Variants in NLGN4Y observed in about 807,000 individuals in gnomAD.
NLGN4Y encodes the protein neuroligin 4 Y-linked.
A neutral mutation model predicts 8.4 loss-of-function variants in NLGN4Y; 4 were observed. The ratio of observed to expected loss-of-function variants is 0.48; its 90% confidence interval spans 0.23 to 1.09. The LOEUF (loss-of-function observed/expected upper bound fraction) is 1.09, where lower values mean the gene tolerates loss of function less well. Ranked by LOEUF, NLGN4Y falls within the 50% of genes least tolerant of loss-of-function variation. The probability of loss-of-function intolerance (pLI) is 0.19; values close to 1 mark genes in which losing one functional copy is unlikely to be tolerated. For missense variants in NLGN4Y, 90 were observed against 192.3 expected (o/e 0.47, Z 3.15); for synonymous variants, 35 against 75.6 (o/e 0.46, Z 2.78).
At chrY:14,816,656 T>C (rs2043103152) in intron 4 of NLGN4Y, among the ~76,000 whole-genome samples, 1 of 34,026 alleles carries the variant, frequency 2.9e-5, no homozygotes, top group Non-Finnish European at 7.3e-5. Context: ...ACTTTTCAAA[T>C]ACTGTTACAT....
chrY:14,717,756 TA>T (rs2080921075), intron 2 of NLGN4Y, among the ~76,000 whole-genome samples: 1 of 33,416 alleles, frequency 3.0e-5, no homozygotes, highest in East Asian at 7.8e-4. Context: ...GCCAATTTCT[TA>T]AAACAAAAAC....
chrY:14,533,297 C>T (rs2080120203), intron 1 of NLGN4Y, among the ~76,000 whole-genome samples: 1 of 32,456 alleles, frequency 3.1e-5, no homozygotes, highest in Non-Finnish European at 7.5e-5. Flanking sequence ...TGGCTATTTC[C>T]TACATACTTT....
intron 2 of NLGN4Y, among the ~76,000 whole-genome samples, chrY:14,714,784 C>G (rs774694087): frequency 3.0e-5 from 1 of 33,464 alleles, no homozygotes; most frequent in South Asian, 6.8e-4. Context: ...AAATGGGATC[C>G]TATTAAACTA....
At chrY:14,590,753 TC>T (rs2080368406) in intron 1 of NLGN4Y, among the ~76,000 whole-genome samples, 1 of 33,055 alleles carries the variant, frequency 3.0e-5, no homozygotes, top group South Asian at 7.0e-4. Context: ...AGAAGCCTTT[TC>T]CAGTAAACGC....
intron 4 of NLGN4Y, among the ~76,000 whole-genome samples, chrY:14,807,387 TATA>T (rs2043061490): frequency 6.2e-5 from 2 of 32,507 alleles, no homozygotes; most frequent in South Asian, 6.9e-4. Flanking sequence ...ATTAATCTAA[TATA>T]ATATTGTAAA....
At chrY:14,556,171 A>G (rs762804691) in intron 1 of NLGN4Y, among the ~76,000 whole-genome samples, 3 of 32,751 alleles carry the variant, frequency 9.2e-5, no homozygotes, top group African/African-American at 2.4e-4. Context: ...CAAAGAAAAA[A>G]TGGTGGATAG....
In NLGN4Y at chrY:14,841,920, G is replaced by C; in HGVS notation, c.*658G>C. On this transcript the variant is annotated 3_prime_UTR_variant, in exon 7 of 7. Coordinates refer to ENST00000684976, the MANE Select transcript of NLGN4Y (RefSeq NM_001365588.1). ...ACAAAAACTGCAGACAAACAAAAAAGAGAAAAGCTTTTATTTGTGTTTTCA... is the reference window on the plus strand; with the variant it reads ...ACAAAAACTGCAGACAAACAAAAAACAGAAAAGCTTTTATTTGTGTTTTCA... 1 of 121,628 alleles carries C rather than the reference G, an allele frequency of 8.2e-6. No homozygotes were observed. Among genetic ancestry groups the C allele is most frequent in the Non-Finnish European group, 1.8e-5 (1 of 56,158 alleles). The allele number at this position is 121,628 out of a possible 400,897, so 30.3% of individuals were successfully genotyped here. A position where few individuals can be genotyped will look rare whatever the true frequency, so the allele number is the denominator to read the frequency against.
At chrY:14,529,602 T>C in intron 1 of NLGN4Y, among the ~76,000 whole-genome samples, 1 of 32,597 alleles carries the variant, frequency 3.1e-5, no homozygotes, top group Non-Finnish European at 7.5e-5. Context: ...GCATGGGGGA[T>C]GGGGGCAGAA....
At chrY:14,812,935 C>T (rs768997136) in intron 4 of NLGN4Y, among the ~76,000 whole-genome samples, 2 of 29,662 alleles carry the variant, frequency 6.7e-5, no homozygotes, top group African/African-American at 2.6e-4. Context: ...ATCTTCCTTC[C>T]TTCCTTCCCT....
At chrY:14,787,176 C>A (rs953770297) in intron 4 of NLGN4Y, among the ~76,000 whole-genome samples, 5 of 31,989 alleles carry the variant, frequency 1.6e-4, no homozygotes, top group Non-Finnish European at 2.3e-4. Flanking sequence ...GTGCCACATG[C>A]CAGACTACTT....
intron 1 of NLGN4Y, among the ~76,000 whole-genome samples, chrY:14,620,361 G>A: frequency 3.0e-5 from 1 of 33,653 alleles, no homozygotes; most frequent in Admixed American, 2.7e-4. Flanking sequence ...ACATCCGAAT[G>A]TTGTCTACAG....
intron 4 of NLGN4Y, among the ~76,000 whole-genome samples, chrY:14,765,562 G>A: frequency 6.0e-5 from 2 of 33,184 alleles, no homozygotes; most frequent in Admixed American, 5.6e-4. Flanking sequence ...GTTCAATTTC[G>A]CTTTGTTTGG....
chrY:14,827,089 C>T (rs925545174), intron 5 of NLGN4Y, among the ~76,000 whole-genome samples: 1 of 33,254 alleles, frequency 3.0e-5, no homozygotes, highest in Non-Finnish European at 7.4e-5. Context: ...TCCTTGAGTT[C>T]GTAGTTCATA....
chrY:14,619,792 C>A, intron 1 of NLGN4Y, among the ~76,000 whole-genome samples: 6 of 33,563 alleles, frequency 1.8e-4, no homozygotes, highest in Admixed American at 1.4e-3. Context: ...CAGCGGCAGA[C>A]TGGATAAAGA....
intron 3 of NLGN4Y, among the ~76,000 whole-genome samples, chrY:14,721,336 GTGGAACA>G (rs2080934217): frequency 3.0e-5 from 1 of 33,767 alleles, no homozygotes; most frequent in Non-Finnish European, 7.4e-5. Context: ...GGAAGAAGAA[GTGGAACA>G]TGAGAAAAGC....
intron 2 of NLGN4Y, among the ~76,000 whole-genome samples, chrY:14,706,950 C>A: frequency 4.6e-5 from 1 of 21,542 alleles, no homozygotes; most frequent in East Asian, 1.2e-3. Flanking sequence ...CATATATATA[C>A]ATACACACAT....
chrY:14,543,670 C>T lies in NLGN4Y; in HGVS notation c.-112+18962C>T, dbSNP rs548963399. ...TTGAAGATAGTTTCTGACTCTGTCA[C>T]CCATGCTGGAGTGCAGTGATGCAAT... On this transcript the variant is annotated intron_variant, in intron 1 of 6. Transcript: ENST00000684976. Among the ~76,000 whole-genome samples, 201 of 33,427 alleles carry T rather than the reference C, an allele frequency of 6.0e-3. No individual in the cohort carries two copies. The South Asian group carries it at 0.13, about 22-fold the overall frequency. 89.7% of individuals were successfully genotyped at this position (33,427 alleles called of 37,273 possible).
At chrY:14,822,290 C>T (rs1603504378) in intron 4 of NLGN4Y, among the ~76,000 whole-genome samples, 1 of 33,688 alleles carries the variant, frequency 3.0e-5, no homozygotes, top group East Asian at 7.9e-4. Context: ...AAATTCTGAA[C>T]CTCAAAGATC....
intron 4 of NLGN4Y, among the ~76,000 whole-genome samples, chrY:14,784,467 T>C (rs2042953997): frequency 3.0e-5 from 1 of 32,980 alleles, no homozygotes; most frequent in Admixed American, 2.7e-4. Flanking sequence ...GAGACCATCT[T>C]GGCTAACACG....
Sources: allele counts gnomAD v4.1 joint callset (sites outside exome capture counted in the v4.1 genomes callset), GRCh38; gene constraint gnomAD v4.1.1; transcripts MANE v1.5; gene names NCBI Gene and HGNC (gene_info 2026-07-23, HGNC 2026-07-21).